Variants in PHF2 observed in about 807,000 individuals in gnomAD.
The protein encoded by PHF2 is lysine-specific demethylase PHF2.
PHF2 carries 27 observed loss-of-function variants against 120.5 expected under a neutral mutation model. The observed-to-expected ratio is 0.22, with a 90% CI of 0.17 to 0.31. The LOEUF (loss-of-function observed/expected upper bound fraction) is 0.31, where lower values mean the gene tolerates loss of function less well. Among genes scored for constraint, PHF2 ranks in the 10% least tolerant of loss-of-function variants. PHF2 has a pLI of 1.00. For missense variants in PHF2, 1,024 were observed against 1,434.8 expected, an observed-to-expected ratio of 0.71 and a Z score of 4.63; for synonymous variants, 568 against 592.5, an observed-to-expected ratio of 0.96 and a Z score of 0.60.
At chr9:93,650,301 A>G (rs1412084650) in intron 5 of PHF2, among the ~76,000 whole-genome samples, 3 of 152,034 alleles carry the variant, frequency 2.0e-5, no homozygotes, top group Admixed American at 1.3e-4. Context: ...AAACACAACA[A>G]TAGACTCATG....
rs374439225 is a variant in PHF2, at chr9:93,622,844, A to AGTCT, written c.99-7115_99-7112dup. ...TGCTGGCCCTGCTAACTGAGCCCCG[A>AGTCT]GTCTGTCTGTCTGTTCTACTCTGAG... On this transcript the variant is annotated intron_variant, in intron 1 of 21. Transcript: ENST00000359246. 1.9e-3 allele frequency among the ~76,000 whole-genome samples: 293 copies of AGTCT among 152,216 alleles called. 2 individuals carry two copies. The highest frequency in any genetic ancestry group is 6.7e-3 in the African/African-American group (278 of 41,522).
chr9:93,618,869 GTCTCTGTGTTTGCATATGTTT>G (rs1825775248), intron 1 of PHF2, among the ~76,000 whole-genome samples: 3 of 134,926 alleles, frequency 2.2e-5, no homozygotes, highest in Non-Finnish European at 3.1e-5. Context: ...GTGTTCGTGT[GTCTCTGTGTTTGCATATGTTT>G]GTGTGTGTGT....
At chr9:93,582,358 G>C (rs1302562505) in intron 1 of PHF2, among the ~76,000 whole-genome samples, 6 of 152,194 alleles carry the variant, frequency 3.9e-5, no homozygotes, top group Middle Eastern at 3.2e-3. Flanking sequence ...AGTCACAGAG[G>C]AAGGCCACAT....
chr9:93,642,045 C>A (rs539669962), intron 3 of PHF2, among the ~76,000 whole-genome samples: 1 of 152,298 alleles, frequency 6.6e-6, no homozygotes, highest in Admixed American at 6.5e-5. Context: ...CTGGCCTCTC[C>A]CCATTGAACT....
chr9:93,659,465 C>G (rs1402032242), intron 10 of PHF2, 46 bp from the exon 11 acceptor site: 5 of 1,514,874 alleles, frequency 3.3e-6, no homozygotes, highest in Non-Finnish European at 4.6e-6. Context: ...TAAGTCAGGA[C>G]CACGGGAGGT....
intron 17 of PHF2, among the ~76,000 whole-genome samples, chr9:93,669,567 G>A (rs1049445386): frequency 1.3e-5 from 2 of 152,236 alleles, no homozygotes; most frequent in Admixed American, 6.5e-5. Context: ...AAAATGCAAC[G>A]CAGTCCAGTA....
At position 93,627,329 on chromosome 9, in the gene PHF2, G is replaced by A. The variant is rs34706891; in HGVS notation, c.99-2641G>A. Among the ~76,000 whole-genome samples, 297 of 152,046 alleles carry A rather than the reference G, an allele frequency of 2.0e-3. 1 individual carries two copies. The highest frequency in any genetic ancestry group is 3.3e-3 in the Non-Finnish European group (226 of 67,968). On this transcript the variant is annotated intron_variant, in intron 1 of 21. Transcript: ENST00000359246. ...GTGTGTAGAAATCCAACTGGTTTTT[G>A]TGTGTTGTTTTTGCACCTACACCTT...
chr9:93,667,328 G>T, intron 17 of PHF2, 88 bp downstream of exon 17: 1 of 1,479,166 alleles, frequency 6.8e-7, no homozygotes. Flanking sequence ...AGCCTGCGAG[G>T]CAGACGCACA....
At chr9:93,666,950 A>G (rs962593836) in intron 16 of PHF2, 130 bp from the exon 17 acceptor site, 1 of 464,700 alleles carries the variant, frequency 2.2e-6, no homozygotes, top group African/African-American at 2.0e-5. Flanking sequence ...ATAAAAATAA[A>G]AATAAAATAA....
chr9:93,654,322 G>A (rs989388114), intron 6 of PHF2, 91 bp from the exon 7 acceptor site: 2 of 1,229,688 alleles, frequency 1.6e-6, no homozygotes, highest in Non-Finnish European at 2.3e-6. Context: ...GTGGACCTGG[G>A]CAGGGTACTT....
chr9:93,660,689 G>A, intron 12 of PHF2, 129 bp downstream of exon 12: 1 of 855,842 alleles, frequency 1.2e-6, no homozygotes, highest in East Asian at 2.9e-5. Context: ...GAAGATGTGG[G>A]GGTCTGGGCT....
chr9:93,667,246 C>A lies in PHF2; in HGVS notation c.2348+6C>A. The A allele has an allele frequency of 6.2e-7, 1 of 1,606,314 alleles. No individual in the cohort carries two copies. The highest frequency in any genetic ancestry group is 8.5e-7 in the Non-Finnish European group (1 of 1,177,184). On this transcript the variant is annotated splice_donor_region_variant and intron_variant, in intron 17 of 21. Transcript: ENST00000359246. ...CTGGAGTACAACCCCAGCAGGTGGG[C>A]CCCACCACCCGGCAGCACCCAAGAG... is the stretch of plus-strand genomic sequence containing the variant.
chr9:93,663,283 G>A (rs963140217), intron 13 of PHF2, among the ~76,000 whole-genome samples: 3 of 152,132 alleles, frequency 2.0e-5, no homozygotes, highest in African/African-American at 4.8e-5. Flanking sequence ...TTCCCTTCAC[G>A]GTCCACACAC....
intron 1 of PHF2, among the ~76,000 whole-genome samples, chr9:93,600,827 C>A (rs1470099466): frequency 6.6e-6 from 1 of 152,212 alleles, no homozygotes; most frequent in Non-Finnish European, 1.5e-5. Context: ...TCTAACCAGG[C>A]CTGATCCTGC....
rs540979020 is a variant in PHF2 at position 93,611,605 on chromosome 9, G to A, written c.99-18365G>A. 8.5e-5 allele frequency among the ~76,000 whole-genome samples: 13 copies of A among 152,174 alleles called. No homozygotes were observed. The South Asian group carries it at 1.9e-3, about 22-fold the overall frequency. ...AGCTCACTGTAGCTTCGAACTCCTG[G>A]GCTCAAGCAACCCTCCCACCTCAGC... On this transcript the variant is annotated intron_variant, in intron 1 of 21. Coordinates refer to ENST00000359246, the MANE Select transcript of PHF2 (RefSeq NM_005392.4).
At chr9:93,619,592 C>T (rs1419890724) in intron 1 of PHF2, among the ~76,000 whole-genome samples, 1 of 151,754 alleles carries the variant, frequency 6.6e-6, no homozygotes, top group African/African-American at 2.4e-5. Flanking sequence ...TCCACGCCTG[C>T]TGGTGGTTCC....
rs529655450 is a variant in PHF2 at position 93,655,918 on chromosome 9, C to T, written c.953-16C>T. The T allele has an allele frequency of 2.5e-6, 4 of 1,603,374 alleles. No individual in the cohort carries two copies. In the African/African-American group the frequency reaches 5.3e-5, roughly 21 times the overall value. Reference sequence around the variant, plus strand: ...GGAGCAAGGTGGGGCACCAGCCACTCCTGTCTCTCTCCCAGGCTGGATCTA... The same window carrying T: ...GGAGCAAGGTGGGGCACCAGCCACTTCTGTCTCTCTCCCAGGCTGGATCTA... On this transcript the variant is annotated splice_polypyrimidine_tract_variant and intron_variant, in intron 7 of 21. Transcript: ENST00000359246.
At chr9:93,674,721 T>C (rs1311816679) in intron 18 of PHF2, among the ~76,000 whole-genome samples, 1 of 152,086 alleles carries the variant, frequency 6.6e-6, no homozygotes, top group Non-Finnish European at 1.5e-5. Context: ...CCCCTCTGGA[T>C]AATCTCTGGG....
intron 2 of PHF2, among the ~76,000 whole-genome samples, chr9:93,632,527 G>A (rs1387228142): frequency 6.6e-6 from 1 of 152,166 alleles, no homozygotes; most frequent in Non-Finnish European, 1.5e-5. Context: ...TTCAGTGTGT[G>A]GTGAGGGCCT....
Sources: gnomAD v4.1 joint callset for allele counts (sites outside exome capture counted in the v4.1 genomes callset) on GRCh38, gnomAD v4.1.1 for gene constraint, MANE v1.5 for transcripts, NCBI Gene and HGNC (gene_info 2026-07-23, HGNC 2026-07-21) for gene names.